The following COL17A1 variants were observed in gnomAD, a reference collection of about 807,000 sequenced individuals.
COL17A1 encodes collagen alpha-1(XVII) chain.
In COL17A1, 181 loss-of-function variants were observed where a neutral mutation model predicts 218.4. The ratio of observed to expected loss-of-function variants is 0.83; its 90% CI spans 0.73 to 0.94. The LOEUF is 0.94. Among genes scored for constraint, COL17A1 ranks in the 40% least tolerant of loss-of-function variants. COL17A1 has a pLI of 0.00. For synonymous variants in COL17A1, 721 were observed against 731.0 expected, an observed-to-expected ratio of 0.99 and a Z score of 0.22; for missense variants, 1,924 against 1,945.9, an observed-to-expected ratio of 0.99 and a Z score of 0.21.
chr10:104,050,059 G>A (rs1349990642), intron 28 of COL17A1, 30 bp downstream of exon 28: 1 of 1,613,918 alleles, frequency 6.2e-7, no homozygotes, highest in Non-Finnish European at 8.5e-7. Context: ...GTCGTGGATA[G>A]ATTAAAGTAG....
At position 104,053,014 on chromosome 10, in the gene COL17A1, A is replaced by G; in HGVS notation, c.1939+17T>C. On this transcript the variant is annotated intron_variant, in intron 23 of 55. Coordinates refer to ENST00000648076, the MANE Select transcript of COL17A1 (RefSeq NM_000494.4). ...ACAGGCATAGCTAACTCTGCCGGTGAAGGAATTGCCTCTTACCTCTTTCCC... is the reference window on the plus strand; with the variant it reads ...ACAGGCATAGCTAACTCTGCCGGTGGAGGAATTGCCTCTTACCTCTTTCCC... 6.2e-7 allele frequency: 1 copy of G among 1,613,856 alleles called. No homozygotes were observed. Among genetic ancestry groups the G allele is most frequent in the Non-Finnish European group, 8.5e-7 (1 of 1,179,784 alleles).
At chr10:104,037,282 T>G (rs887958751) in intron 46 of COL17A1, among the ~76,000 whole-genome samples, 169 bp from the exon 47 acceptor site, 1 of 90,696 alleles carries the variant, frequency 1.1e-5, no homozygotes, top group East Asian at 4.5e-4. Context: ...AATACTGTTG[T>G]TGGGATTTTT....
intron 8 of COL17A1, among the ~76,000 whole-genome samples, chr10:104,070,926 C>T (rs908631178): frequency 2.6e-5 from 4 of 152,184 alleles, no homozygotes; most frequent in African/African-American, 9.7e-5. Context: ...GAAACAGATG[C>T]TTCAACAGCA....
rs772024238 is a variant in COL17A1 at position 104,038,602 on chromosome 10, C to A, written c.2948-74G>T. ...AGACAAACGGGCCCAGGAATAGCTT[C>A]CATGGTCTGAGGAGGGAGGGTCTTC... On this transcript the variant is annotated intron_variant, in intron 44 of 55. Transcript: ENST00000648076. The A allele has an allele frequency of 4.4e-6, 7 of 1,586,542 alleles. No individual in the cohort carries two copies. The South Asian group carries it at 7.8e-5, about 18-fold the overall frequency.
At position 104,043,554 on chromosome 10, in the gene COL17A1, C is replaced by T. The variant is rs2086381372; in HGVS notation, c.2462G>A (p.Gly821Asp). The T allele has an allele frequency of 6.2e-7, 1 of 1,613,892 alleles. No homozygotes were observed. Among genetic ancestry groups the T allele is most frequent in the African/African-American group, 1.3e-5 (1 of 74,976 alleles). Reference protein sequence around the residue: ...SEGSSMLTVPGPPGPPGAMGP... With the variant: ...SEGSSMLTVPDPPGPPGAMGP... ...CATGGCTCCAGGAGGTCCTGGGGGGCCTGGGACAGTGAGCATCGATGACCC... is the reference window on the plus strand; with the variant it reads ...CATGGCTCCAGGAGGTCCTGGGGGGTCTGGGACAGTGAGCATCGATGACCC... The change falls in exon 35 of 56, where the codon GGC becomes GAC. Residue 821 changes from glycine (G) to aspartate (D), a missense_variant. Coordinates refer to ENST00000648076, the MANE Select transcript of COL17A1 (RefSeq NM_000494.4).
rs1177204187 is a variant in COL17A1, at chr10:104,076,675, T to A, written c.203-246A>T. Among the ~76,000 whole-genome samples, 15 of 152,208 alleles carry A rather than the reference T, an allele frequency of 9.9e-5. No individual in the cohort carries two copies. The East Asian group carries it at 2.7e-3, about 27-fold the overall frequency. ...TGGAAAGGATTTGGCAGGATTTTTC[T>A]TGTAGACACTGCTTGGATGGACTAG... On this transcript the variant is annotated intron_variant, in intron 4 of 55. Coordinates refer to ENST00000648076, the MANE Select transcript of COL17A1 (RefSeq NM_000494.4).
chr10:104,060,109 T>A lies in COL17A1; in HGVS notation c.1141+10A>T, dbSNP rs1420859650. 6.2e-7 allele frequency: 1 copy of A among 1,613,840 alleles called. No individual in the cohort carries two copies. The highest frequency in any genetic ancestry group is 8.5e-7 in the Non-Finnish European group (1 of 1,180,030). On this transcript the variant is annotated intron_variant, in intron 14 of 55. Transcript: ENST00000648076. The stretch of plus-strand genomic sequence containing the variant: ...CTTCTGAAACCCAAGCCACACAGGA[T>A]CTGACGCACTTGCAGCGATGCTGGC...
intron 11 of COL17A1, chr10:104,063,480 T>C: frequency 2.0e-6 from 1 of 511,620 alleles, no homozygotes; most frequent in Non-Finnish European, 3.6e-6. Context: ...CGTTAGACCC[T>C]TCATTTCCAA....
At chr10:104,079,281 G>A (rs774112361) in intron 2 of COL17A1, among the ~76,000 whole-genome samples, 15 of 152,254 alleles carry the variant, frequency 9.9e-5, no homozygotes, top group Admixed American at 2.6e-4. Context: ...CACTACCTCC[G>A]TCTCTGGTGG....
At chr10:104,041,593 C>T in intron 36 of COL17A1, 55 bp from the exon 37 acceptor site, 12 of 1,469,554 alleles carry the variant, frequency 8.2e-6, no homozygotes, top group Non-Finnish European at 9.5e-6. Flanking sequence ...CTGCTCTCTG[C>T]CACACTTCTC....
rs370217281 is a variant in COL17A1, at chr10:104,037,118, C to T, written c.3209-5G>A. 4.4e-5 allele frequency: 71 copies of T among 1,601,386 alleles called. No individual in the cohort carries two copies. The highest frequency in any genetic ancestry group is 5.6e-5 in the Non-Finnish European group (66 of 1,174,122). Reference sequence around the variant, plus strand: ...AGCTGACACCGTACCCCGAAGCTGTCGGGAAGAAAACCTCAGGTTACCTGC... The same window carrying T: ...AGCTGACACCGTACCCCGAAGCTGTTGGGAAGAAAACCTCAGGTTACCTGC... On this transcript the variant is annotated splice_region_variant and splice_polypyrimidine_tract_variant and intron_variant, in intron 46 of 55. Coordinates refer to ENST00000648076, the MANE Select transcript of COL17A1 (RefSeq NM_000494.4).
At position 104,043,506 on chromosome 10, in the gene COL17A1, G is replaced by A; in HGVS notation, c.2510C>T (p.Ala837Val). The A allele has an allele frequency of 1.2e-6, 2 of 1,613,630 alleles. No homozygotes were observed. Among genetic ancestry groups the A allele is most frequent in the East Asian group, 2.2e-5 (1 of 44,860 alleles). ...AAGCAAGAAAATAGACTGACCTGGG[G>A]CACCTGGAGGTCCTGGGGGTCCCAT... ...GAMGPPGPPGAPGPAGPAGLP... is the reference protein window; with the variant it reads ...GAMGPPGPPGVPGPAGPAGLP... The change falls in exon 35 of 56, where the codon GCC (alanine) becomes GTC (valine). Residue 837 changes from alanine (A) to valine (V), a missense_variant. By Grantham distance (64) the Ala-to-Val change is moderately conservative. Coordinates refer to ENST00000648076, the MANE Select transcript of COL17A1 (RefSeq NM_000494.4).
In COL17A1 at chr10:104,041,421, C is replaced by G. The variant is rs539849036; in HGVS notation, c.2605+64G>C. ...ACCCCTGAGGATCTTGGCTTCCTCA[C>G]TAAGTGCATTGAATCTCCTGTCCCC... On this transcript the variant is annotated intron_variant, in intron 37 of 55. Coordinates refer to ENST00000648076, the MANE Select transcript of COL17A1 (RefSeq NM_000494.4). 513 of 1,602,296 alleles carry G rather than the reference C, an allele frequency of 3.2e-4. 6 individuals are homozygous for G. The highest frequency in any genetic ancestry group is 1.7e-3 in the Middle Eastern group (10 of 6,004).
In COL17A1 at chr10:104,035,851, C is replaced by T. The variant is rs11191901; in HGVS notation, c.3419-288G>A. On this transcript the variant is annotated intron_variant, in intron 48 of 55. Coordinates refer to ENST00000648076, the MANE Select transcript of COL17A1 (RefSeq NM_000494.4). ...GTGTATGGGAGTGTATCGGAGTGTG[C>T]GTATGGGAGTGTATGGGAGTGTGCG... is the stretch of plus-strand genomic sequence containing the variant. 1.0e-3 allele frequency among the ~76,000 whole-genome samples: 136 copies of T among 135,536 alleles called. 2 individuals are homozygous for T. Among genetic ancestry groups the T allele is most frequent in the Middle Eastern group, 3.7e-3 (1 of 270 alleles). The allele number at this position is 135,536 out of a possible 152,430, so 88.9% of individuals were successfully genotyped here.
intron 9 of COL17A1, among the ~76,000 whole-genome samples, chr10:104,065,777 G>A (rs760136019): frequency 1.3e-5 from 2 of 152,202 alleles, no homozygotes; most frequent in African/African-American, 2.4e-5. Flanking sequence ...TGAAGAGAAG[G>A]TGCTCAGTGC....
chr10:104,063,609 C>T, intron 11 of COL17A1, 138 bp downstream of exon 11: 1 of 1,359,960 alleles, frequency 7.4e-7, no homozygotes, highest in Non-Finnish European at 1.0e-6. Flanking sequence ...TGGTTGAAGG[C>T]AGGTTCTGTG....
At chr10:104,036,765 C>CCAGA in intron 47 of COL17A1, 133 bp from the exon 48 acceptor site, 5 of 1,153,640 alleles carry the variant, frequency 4.3e-6, no homozygotes, top group Non-Finnish European at 6.3e-6. Flanking sequence ...TCCGCAGGAC[C>CCAGA]ACGGTGTTCA....
rs553179870 is a variant in COL17A1 at position 104,059,542 on chromosome 10, G to A, written c.1222+96C>T. 7.6e-5 allele frequency: 87 copies of A among 1,139,120 alleles called. 1 individual carries two copies. The highest frequency in any genetic ancestry group is 2.6e-4 in the South Asian group (21 of 80,330). The allele number at this position is 1,139,120 out of a possible 1,614,324, so 70.6% of individuals were successfully genotyped here. On this transcript the variant is annotated intron_variant, in intron 15 of 55. Transcript: ENST00000648076. ...CAGGTGTGGCTGATGCTGCTGGCCC[G>A]TGGACCACACTTTGAGTAGCAAGGT...
chr10:104,051,540 A>G (rs1427388856), intron 24 of COL17A1, 24 bp from the exon 25 acceptor site: 1 of 1,613,930 alleles, frequency 6.2e-7, no homozygotes, highest in Non-Finnish European at 8.5e-7. Context: ...CAAGACAGCA[A>G]TCAGCAGAGG....
Sources: allele counts gnomAD v4.1 joint callset (sites outside exome capture counted in the v4.1 genomes callset), GRCh38; gene constraint gnomAD v4.1.1; transcripts MANE v1.5; gene names NCBI Gene and HGNC (gene_info 2026-07-23, HGNC 2026-07-21).